CNTLN: variants seen among roughly 807,000 people sequenced by gnomAD.
The protein encoded by CNTLN is centlein, also known as centlein, centrosomal protein.
In CNTLN, 212 loss-of-function variants were observed where a neutral mutation model predicts 180.0. That is an observed-to-expected ratio of 1.18 (90% confidence interval 1.05 to 1.32). CNTLN has a LOEUF of 1.32. Among genes scored for constraint, CNTLN ranks in the 40% most tolerant of loss-of-function variants. CNTLN has a pLI of 0.00. For synonymous variants in CNTLN, 722 were observed against 563.1 expected, an observed-to-expected ratio of 1.28 and a Z score of -3.99; for missense variants, 2,095 against 1,610.9, an observed-to-expected ratio of 1.30 and a Z score of -5.14.
chr9:17,478,450 T>C (rs1832469392), intron 23 of CNTLN, among the ~76,000 whole-genome samples: 1 of 152,172 alleles, frequency 6.6e-6, no homozygotes, highest in Admixed American at 6.5e-5. Context: ...TCTTTGCTTT[T>C]GATGTCATTT....
At chr9:17,274,072 A>C (rs1286238516) in intron 6 of CNTLN, among the ~76,000 whole-genome samples, 1 of 152,108 alleles carries the variant, frequency 6.6e-6, no homozygotes, top group Non-Finnish European at 1.5e-5. Context: ...TTGGACGAGC[A>C]TGGTCAAGGG....
downstream of CNTLN, among the ~76,000 whole-genome samples, chr9:17,506,928 CAG>C (rs781337516): frequency 6.6e-6 from 1 of 151,948 alleles, no homozygotes; most frequent in Non-Finnish European, 1.5e-5. Flanking sequence ...ATAATTAAAT[CAG>C]GGTAATTATA....
chr9:17,415,760 A>G (rs778188191), intron 16 of CNTLN, 28 bp from the exon 17 acceptor site: 3 of 1,306,524 alleles, frequency 2.3e-6, no homozygotes, highest in Admixed American at 1.7e-5. Flanking sequence ...GAAGAATAAT[A>G]CCATTTTTAT....
At chr9:17,487,683 A>G (rs1832959967) in intron 25 of CNTLN, among the ~76,000 whole-genome samples, 1 of 152,124 alleles carries the variant, frequency 6.6e-6, no homozygotes, top group African/African-American at 2.4e-5. Context: ...AAAGCTGCAT[A>G]GAGGATGACA....
At chr9:17,279,082 T>C (rs1404036105) in intron 6 of CNTLN, among the ~76,000 whole-genome samples, 1 of 152,100 alleles carries the variant, frequency 6.6e-6, no homozygotes, top group Non-Finnish European at 1.5e-5. Context: ...ACCTTGGCGA[T>C]TCATGTTATT....
chr9:17,179,447 A>G (rs1820983464), intron 2 of CNTLN, among the ~76,000 whole-genome samples: 1 of 152,118 alleles, frequency 6.6e-6, no homozygotes, highest in Non-Finnish European at 1.5e-5. Flanking sequence ...ACCAAGGATT[A>G]TGTAGAAATG....
intron 16 of CNTLN, among the ~76,000 whole-genome samples, chr9:17,412,446 C>T (rs147499569): frequency 6.6e-6 from 1 of 152,280 alleles, no homozygotes; most frequent in East Asian, 1.9e-4. Flanking sequence ...GTCCCCAACT[C>T]ACTACAATGG....
chr9:17,358,151 A>C (rs928588734), intron 12 of CNTLN, among the ~76,000 whole-genome samples: 6 of 152,076 alleles, frequency 3.9e-5, no homozygotes, highest in African/African-American at 1.4e-4. Flanking sequence ...AGGTAGTGAA[A>C]CAGGATGCAT....
chr9:17,426,847 A>T (rs968407980), intron 18 of CNTLN, among the ~76,000 whole-genome samples: 3 of 152,070 alleles, frequency 2.0e-5, no homozygotes, highest in African/African-American at 7.2e-5. Context: ...TTTGGGGAGC[A>T]TTCATCCAGA....
intron 23 of CNTLN, among the ~76,000 whole-genome samples, chr9:17,482,639 G>C (rs112214841): frequency 0.016 from 2,423 of 152,220 alleles, 19 homozygotes; most frequent in Non-Finnish European, 0.02. Context: ...AGCAAGAACA[G>C]CAAGAAAAAT....
chr9:17,517,264 C>T, the CNTLN span, among the ~76,000 whole-genome samples: 11 of 151,706 alleles, frequency 7.3e-5, no homozygotes, highest in South Asian at 6.2e-4. Flanking sequence ...TGGTGGCGGG[C>T]GCCTGTAGTC....
chr9:17,184,191 A>G (rs1003496240), intron 2 of CNTLN, among the ~76,000 whole-genome samples: 1 of 152,294 alleles, frequency 6.6e-6, no homozygotes, highest in East Asian at 1.9e-4. Flanking sequence ...TTTTACCGAC[A>G]AACGGACTTA....
chr9:17,262,755 GAA>G (rs1827096134), intron 5 of CNTLN, among the ~76,000 whole-genome samples: 1 of 151,222 alleles, frequency 6.6e-6, no homozygotes, highest in East Asian at 1.9e-4. Flanking sequence ...ATAAAGAAAA[GAA>G]AGATTAGGTA....
At chr9:17,261,352 T>C (rs1582031) in intron 5 of CNTLN, among the ~76,000 whole-genome samples, 1 of 150,920 alleles carries the variant, frequency 6.6e-6, no homozygotes, top group Non-Finnish European at 1.5e-5. Flanking sequence ...ATTTCTCTTA[T>C]CAGTGTTTTG....
intron 6 of CNTLN, among the ~76,000 whole-genome samples, chr9:17,292,438 C>G (rs1033879526): frequency 6.6e-6 from 1 of 152,086 alleles, no homozygotes; most frequent in African/African-American, 2.4e-5. Context: ...TTCAGGTATC[C>G]AAGTCAGTCA....
At chr9:17,404,738 A>T (rs947504411) in intron 15 of CNTLN, among the ~76,000 whole-genome samples, 5 of 135,456 alleles carry the variant, frequency 3.7e-5, no homozygotes, top group East Asian at 2.2e-4. Flanking sequence ...TCTGAAACAA[A>T]TTTTTTTTTT....
chr9:17,279,626 G>A (rs935807269), intron 6 of CNTLN, among the ~76,000 whole-genome samples: 1 of 144,212 alleles, frequency 6.9e-6, no homozygotes, highest in African/African-American at 2.5e-5. Flanking sequence ...AAGGTGTCAG[G>A]TTTTTTTTTT....
the CNTLN span, among the ~76,000 whole-genome samples, chr9:17,526,254 C>A: frequency 6.6e-6 from 1 of 152,154 alleles, no homozygotes; most frequent in African/African-American, 2.4e-5. Context: ...TTGTATACAT[C>A]ATTTCCCTAC....
chr9:17,220,464 G>GT (rs1303111632), intron 2 of CNTLN, among the ~76,000 whole-genome samples: 2 of 151,996 alleles, frequency 1.3e-5, no homozygotes, highest in Non-Finnish European at 2.9e-5. Flanking sequence ...GTAGTTAAAT[G>GT]TTTTTTAGGT....
Sources: gnomAD v4.1 joint callset for allele counts (sites outside exome capture counted in the v4.1 genomes callset) on GRCh38, gnomAD v4.1.1 for gene constraint, MANE v1.5 for transcripts, NCBI Gene and HGNC (gene_info 2026-07-23, HGNC 2026-07-21) for gene names.